Variants in ARHGEF7 observed in about 807,000 individuals in gnomAD.
ARHGEF7 encodes PAK-interacting exchange factor beta.
A neutral mutation model predicts 109.8 loss-of-function variants in ARHGEF7; 33 were observed. The ratio of observed to expected loss-of-function variants is 0.30; its 90% CI spans 0.23 to 0.40. The LOEUF (loss-of-function observed/expected upper bound fraction) is 0.40, where lower values mean the gene tolerates loss of function less well. ARHGEF7 is among the 10% of genes least tolerant of loss of function. The pLI is 1.00. For missense variants in ARHGEF7, 938 were observed against 1,098.5 expected, an observed-to-expected ratio of 0.85 and a Z score of 2.07; for synonymous variants, 458 against 424.6, an observed-to-expected ratio of 1.08 and a Z score of -0.97.
chr13:111,277,074 G>A (rs1393244705), intron 12 of ARHGEF7, among the ~76,000 whole-genome samples: 5 of 152,144 alleles, frequency 3.3e-5, no homozygotes, highest in African/African-American at 9.7e-5. Context: ...GAAGTGCCAG[G>A]AATTACTAGT....
intron 2 of ARHGEF7, among the ~76,000 whole-genome samples, chr13:111,174,149 A>G (rs1196979046): frequency 4.6e-5 from 7 of 152,232 alleles, no homozygotes; most frequent in Non-Finnish European, 1.0e-4. Context: ...GAAAAAAGGA[A>G]TGATATTTGC....
At chr13:111,274,706 A>T (rs1035612404) in intron 10 of ARHGEF7, 25 bp from the exon 11 acceptor site, 7 of 1,384,388 alleles carry the variant, frequency 5.1e-6, no homozygotes, top group Non-Finnish European at 6.8e-6. Context: ...TATGAAAGCT[A>T]ATTGTATGTT....
At chr13:111,279,739 C>T (rs2092684029) in intron 13 of ARHGEF7, among the ~76,000 whole-genome samples, 1 of 152,174 alleles carries the variant, frequency 6.6e-6, no homozygotes, top group Non-Finnish European at 1.5e-5. Flanking sequence ...ACTGGTTTGC[C>T]AACCATTTTG....
chr13:111,200,285 T>TG (rs1179581123), intron 2 of ARHGEF7, among the ~76,000 whole-genome samples: 1 of 152,182 alleles, frequency 6.6e-6, no homozygotes, highest in African/African-American at 2.4e-5. Context: ...GTGTGGGAGA[T>TG]GCAGTTGTGG....
At chr13:111,220,670 G>A (rs1002818339) in intron 5 of ARHGEF7, among the ~76,000 whole-genome samples, 1 of 152,174 alleles carries the variant, frequency 6.6e-6, no homozygotes, top group Non-Finnish European at 1.5e-5. Context: ...TGAGTGGACT[G>A]TGGGCCCTTG....
At chr13:111,234,769 C>G (rs888363446) in intron 6 of ARHGEF7, among the ~76,000 whole-genome samples, 3 of 152,084 alleles carry the variant, frequency 2.0e-5, no homozygotes, top group African/African-American at 7.2e-5. Flanking sequence ...TGCTTGGACT[C>G]TGCCTTCCAT....
intron 1 of ARHGEF7, among the ~76,000 whole-genome samples, chr13:111,148,925 A>T (rs531833723): frequency 6.6e-6 from 1 of 152,338 alleles, no homozygotes; most frequent in East Asian, 1.9e-4. Context: ...AAGAGTTAAG[A>T]TATATCATGA....
intron 2 of ARHGEF7, among the ~76,000 whole-genome samples, chr13:111,164,854 T>C (rs1388915537): frequency 3.3e-5 from 5 of 152,226 alleles, no homozygotes; most frequent in Non-Finnish European, 7.3e-5. Context: ...TTCCTCCTGA[T>C]AGGAAGTTAA....
intron 2 of ARHGEF7, among the ~76,000 whole-genome samples, chr13:111,197,727 C>T (rs2080701740): frequency 2.0e-5 from 3 of 152,104 alleles, no homozygotes; most frequent in Admixed American, 2.0e-4. Flanking sequence ...TGCTAAAATT[C>T]CAGATAGTAC....
chr13:111,122,717 C>T (rs1231406872), intron 1 of ARHGEF7: 3 of 152,252 alleles, frequency 2.0e-5, no homozygotes, highest in Non-Finnish European at 4.4e-5. Context: ...GGATGCCAGC[C>T]ATACCACCTC....
intron 5 of ARHGEF7, among the ~76,000 whole-genome samples, chr13:111,218,183 T>TA (rs148396615): frequency 7.3e-4 from 111 of 151,316 alleles, no homozygotes; most frequent in African/African-American, 1.7e-3. Flanking sequence ...TTTTTTTTTT[T>TA]AAGAGCTAGT....
chr13:111,291,418 A>T (rs1178590361), intron 18 of ARHGEF7, among the ~76,000 whole-genome samples: 3 of 152,250 alleles, frequency 2.0e-5, no homozygotes, highest in Non-Finnish European at 2.9e-5. Flanking sequence ...CAGCAGACCC[A>T]GCTTCCCACT....
At chr13:111,225,874 T>G (rs1245424113) in intron 5 of ARHGEF7, among the ~76,000 whole-genome samples, 1 of 152,222 alleles carries the variant, frequency 6.6e-6, no homozygotes, top group East Asian at 1.9e-4. Flanking sequence ...CTATGGCCTC[T>G]TAAGTGTTCA....
At chr13:111,293,027 T>A (rs1244408714) in intron 19 of ARHGEF7, 2 of 985,486 alleles carry the variant, frequency 2.0e-6, no homozygotes, top group Non-Finnish European at 2.4e-6. Context: ...CTGTCATGGC[T>A]CAGATGTTCA....
intron 6 of ARHGEF7, among the ~76,000 whole-genome samples, chr13:111,242,500 G>C (rs1326308780): frequency 1.3e-5 from 2 of 152,128 alleles, no homozygotes; most frequent in Non-Finnish European, 2.9e-5. Context: ...AGAATGTATT[G>C]TTAGCTCTGG....
At chr13:111,264,585 CTG>C (rs1328940717) in intron 8 of ARHGEF7, among the ~76,000 whole-genome samples, 3 of 152,154 alleles carry the variant, frequency 2.0e-5, no homozygotes, top group African/African-American at 7.2e-5. Context: ...GTGCAGGTAA[CTG>C]TTGTGCTTCT....
In ARHGEF7 at chr13:111,303,122, C is replaced by G. The variant is rs1167280927; in HGVS notation, c.*9C>G. 1 of 1,604,468 alleles carries G rather than the reference C, an allele frequency of 6.2e-7. No homozygotes were observed. The highest frequency in any genetic ancestry group is 8.5e-7 in the Non-Finnish European group (1 of 1,174,658). ...ATGAGACCAATCTATAAGGGATGTC[C>G]TCAGTTCTTTCTGTTGAAGACCAGT... On this transcript the variant is annotated 3_prime_UTR_variant, in exon 22 of 22. Coordinates refer to ENST00000646102, the MANE Select transcript of ARHGEF7 (RefSeq NM_001354046.2).
At chr13:111,269,056 CA>C (rs2091911879) in intron 9 of ARHGEF7, among the ~76,000 whole-genome samples, 1 of 152,134 alleles carries the variant, frequency 6.6e-6, no homozygotes. Context: ...AAGGAAAACC[CA>C]AAGAACCCTC....
At chr13:111,249,003 C>T (rs144292776) in intron 8 of ARHGEF7, among the ~76,000 whole-genome samples, 79 of 152,302 alleles carry the variant, frequency 5.2e-4, no homozygotes, top group African/African-American at 1.8e-3. Flanking sequence ...TTGGCAGATG[C>T]TCAAATCTCA....
Sources: gnomAD v4.1 joint callset for allele counts (sites outside exome capture counted in the v4.1 genomes callset) on GRCh38, gnomAD v4.1.1 for gene constraint, MANE v1.5 for transcripts, NCBI Gene and HGNC (gene_info 2026-07-23, HGNC 2026-07-21) for gene names.